Variants in GAS7 observed in about 807,000 individuals in gnomAD.
The protein encoded by GAS7 is growth arrest specific 7, also known as growth arrest-specific protein 7.
Under a neutral mutation model 71.1 loss-of-function variants are expected in GAS7, and 28 were observed. The ratio of observed to expected loss-of-function variants is 0.39; its 90% confidence interval spans 0.29 to 0.54. The LOEUF is 0.54. Among genes scored for constraint, GAS7 ranks in the 20% least tolerant of loss-of-function variants. The pLI, the probability that GAS7 is intolerant of heterozygous loss-of-function variation, is 0.62. For missense variants in GAS7, 436 were observed against 627.8 expected, an observed-to-expected ratio of 0.69 and a Z score of 3.27; for synonymous variants, 258 against 245.8, an observed-to-expected ratio of 1.05 and a Z score of -0.46.
At chr17:10,005,894 C>A (rs182435470) in intron 2 of GAS7, among the ~76,000 whole-genome samples, 5 of 152,278 alleles carry the variant, frequency 3.3e-5, no homozygotes, top group Non-Finnish European at 7.4e-5. Flanking sequence ...AAAAAGAGTT[C>A]AAATCAAGCA....
At chr17:10,129,109 A>T (rs1201766845) in intron 1 of GAS7, among the ~76,000 whole-genome samples, 1 of 152,164 alleles carries the variant, frequency 6.6e-6, no homozygotes, top group Admixed American at 6.6e-5. Flanking sequence ...CAATGGGGGA[A>T]AGGGCCATCT....
At chr17:10,038,107 C>A (rs1435256776) in intron 1 of GAS7, among the ~76,000 whole-genome samples, 1 of 151,782 alleles carries the variant, frequency 6.6e-6, no homozygotes, top group East Asian at 1.9e-4. Flanking sequence ...CCTGTAATCC[C>A]AGCACTGTGG....
At chr17:9,930,358 A>C (rs980912892) in intron 9 of GAS7, among the ~76,000 whole-genome samples, 2 of 152,210 alleles carry the variant, frequency 1.3e-5, no homozygotes, top group African/African-American at 4.8e-5. Context: ...ATGTGAAGAA[A>C]TGAAACCCCA....
chr17:10,189,183 C>T (rs1019280653), intron 1 of GAS7, among the ~76,000 whole-genome samples: 3 of 152,132 alleles, frequency 2.0e-5, no homozygotes, highest in African/African-American at 7.2e-5. Flanking sequence ...TTACAAGTGA[C>T]CTGCAAGAAG....
At chr17:10,005,161 G>GCGCGCACGCA (rs1567880073) in intron 2 of GAS7, among the ~76,000 whole-genome samples, 6 of 31,274 alleles carry the variant, frequency 1.9e-4, no homozygotes, top group African/African-American at 5.3e-4. Context: ...ATGCATGTGT[G>GCGCGCACGCA]TGCGCACGCA....
intron 1 of GAS7, among the ~76,000 whole-genome samples, chr17:10,187,109 A>T (rs1331519302): frequency 6.6e-6 from 1 of 152,128 alleles, no homozygotes; most frequent in Admixed American, 6.5e-5. Context: ...TCACTGTCTT[A>T]AAGTTAGGTG....
At chr17:10,084,033 G>A (rs1449993761) in intron 1 of GAS7, among the ~76,000 whole-genome samples, 1 of 152,172 alleles carries the variant, frequency 6.6e-6, no homozygotes, top group Non-Finnish European at 1.5e-5. Flanking sequence ...GCCTACCTAG[G>A]CATTGGCTGC....
At chr17:10,028,801 A>G (rs1017826282) in intron 1 of GAS7, among the ~76,000 whole-genome samples, 1 of 152,212 alleles carries the variant, frequency 6.6e-6, no homozygotes, top group African/African-American at 2.4e-5. Context: ...CATGGAATCA[A>G]TACTGCAAAA....
At chr17:10,150,409 GT>G (rs1466893615) in intron 1 of GAS7, among the ~76,000 whole-genome samples, 46 of 92,862 alleles carry the variant, frequency 5.0e-4, no homozygotes, top group African/African-American at 2.1e-3. Flanking sequence ...CTCTCAACTG[GT>G]TAAGTACACA....
At chr17:10,159,918 T>C (rs2074238652) in intron 1 of GAS7, among the ~76,000 whole-genome samples, 3 of 152,026 alleles carry the variant, frequency 2.0e-5, no homozygotes, top group Non-Finnish European at 4.4e-5. Flanking sequence ...CCTGAGTAGC[T>C]GGGACTACAG....
At chr17:10,057,377 T>C (rs2073155278) in intron 1 of GAS7, among the ~76,000 whole-genome samples, 1 of 149,888 alleles carries the variant, frequency 6.7e-6, no homozygotes, top group Non-Finnish European at 1.5e-5. Flanking sequence ...CCCCATCGTC[T>C]GAGATGTGGG....
chr17:10,072,823 T>C (rs2073354966), intron 1 of GAS7, among the ~76,000 whole-genome samples: 1 of 152,022 alleles, frequency 6.6e-6, no homozygotes, highest in Non-Finnish European at 1.5e-5. Context: ...GATTGGTGCA[T>C]TAGTGGCTTA....
Position 9,917,173 on chromosome 17 carries a change from G to A in GAS7, c.*55C>T. 1.9e-6 allele frequency: 2 copies of A among 1,078,268 alleles called. No homozygotes were observed. The highest frequency in any genetic ancestry group is 2.9e-6 in the Non-Finnish European group (2 of 691,392). The allele number at this position is 1,078,268 out of a possible 1,614,324, so 66.8% of individuals were successfully genotyped here. On this transcript the variant is annotated 3_prime_UTR_variant, in exon 14 of 14. Transcript: ENST00000432992. ...GGCATCCACTCGGCATGGGCCCCAT[G>A]GTGGGAGCCCAGCCCCCCTCCCCAG...
intron 2 of GAS7, among the ~76,000 whole-genome samples, chr17:10,007,184 T>C (rs1597670120): frequency 6.6e-6 from 1 of 152,206 alleles, no homozygotes. Context: ...AGTTGACATT[T>C]TTTCTCTTTC....
Position 9,911,907 on chromosome 17 carries a change from G to A in GAS7, c.*5321C>T, listed in dbSNP as rs1220453964. On this transcript the variant is annotated 3_prime_UTR_variant, in exon 14 of 14. Transcript: ENST00000432992. This position sits in a 1 kb window ranked among gnomAD's most constrained non-coding sequence, Gnocchi z 4.0. ...GTGTTTACCTCAGGGGTCACACTCA[G>A]CCTGGTCTGGCCTTAACTGGGTGTG... is the stretch of plus-strand genomic sequence containing the variant. The A allele has an allele frequency of 5.2e-5, 12 of 231,740 alleles. No individual in the cohort carries two copies. In the Admixed American group the frequency reaches 6.8e-4, roughly 13 times the overall value. 14.4% of individuals were successfully genotyped at this position (231,740 alleles called of 1,614,324 possible).
At chr17:10,120,062 GC>G (rs1353427457) in intron 1 of GAS7, among the ~76,000 whole-genome samples, 1 of 152,202 alleles carries the variant, frequency 6.6e-6, no homozygotes, top group African/African-American at 2.4e-5. Flanking sequence ...GGGTTTTCCT[GC>G]TGGGAAGAAA....
intron 1 of GAS7, among the ~76,000 whole-genome samples, chr17:10,142,760 G>C (rs1261349079): frequency 1.3e-5 from 2 of 152,170 alleles, no homozygotes; most frequent in African/African-American, 2.4e-5. Context: ...TTCAAACTTA[G>C]ATAATTTTTT....
At chr17:10,184,796 C>T (rs1422709963) in intron 1 of GAS7, among the ~76,000 whole-genome samples, 2 of 152,080 alleles carry the variant, frequency 1.3e-5, no homozygotes, top group African/African-American at 2.4e-5. Flanking sequence ...CCTCAGATAG[C>T]CCAGGTTGGA....
chr17:9,960,012 A>C (rs984029149), intron 4 of GAS7, among the ~76,000 whole-genome samples: 3 of 152,070 alleles, frequency 2.0e-5, no homozygotes, highest in Non-Finnish European at 2.9e-5. Context: ...AGAATGTTTG[A>C]TTCTGGGTCT....
Sources: gnomAD v4.1 joint callset for allele counts (sites outside exome capture counted in the v4.1 genomes callset) on GRCh38, gnomAD v4.1.1 for gene constraint, Gnocchi (gnomAD v3.1) non-coding constraint, MANE v1.5 for transcripts, NCBI Gene and HGNC (gene_info 2026-07-23, HGNC 2026-07-21) for gene names.